PTPRZ1: variants seen among roughly 807,000 people sequenced by gnomAD.
The protein encoded by PTPRZ1 is receptor-type tyrosine-protein phosphatase zeta.
A neutral mutation model predicts 214.1 loss-of-function variants in PTPRZ1; 82 were observed. The ratio of observed to expected loss-of-function variants is 0.38; its 90% CI spans 0.32 to 0.46. The LOEUF (loss-of-function observed/expected upper bound fraction) is 0.46, where lower values mean the gene tolerates loss of function less well. PTPRZ1 is among the 20% of genes least tolerant of loss of function. The pLI is 1.00. For synonymous variants in PTPRZ1, 945 were observed against 987.9 expected (o/e 0.96, Z 0.81); for missense variants, 2,603 against 2,748.7 (o/e 0.95, Z 1.19).
chr7:121,952,193 C>T (rs746703504), intron 2 of PTPRZ1, among the ~76,000 whole-genome samples: 3 of 152,048 alleles, frequency 2.0e-5, no homozygotes, highest in African/African-American at 7.2e-5. Context: ...CTCCTGACCT[C>T]GTGATTGGCC....
intron 9 of PTPRZ1, among the ~76,000 whole-genome samples, chr7:121,997,057 CA>C (rs1415868612): frequency 6.6e-6 from 1 of 152,116 alleles, no homozygotes; most frequent in Non-Finnish European, 1.5e-5. Flanking sequence ...ACATTTCTTA[CA>C]AAAAGATCCA....
chr7:121,933,022 G>A (rs977035198), intron 2 of PTPRZ1, among the ~76,000 whole-genome samples: 1 of 151,956 alleles, frequency 6.6e-6, no homozygotes, highest in African/African-American at 2.4e-5. Flanking sequence ...GTAAATCTGG[G>A]AATGTCAGCA....
intron 8 of PTPRZ1, among the ~76,000 whole-genome samples, chr7:121,993,123 G>A (rs1442325177): frequency 1.3e-5 from 2 of 152,110 alleles, no homozygotes; most frequent in African/African-American, 4.8e-5. Flanking sequence ...CTCATGATCA[G>A]GAAAATTATA....
Position 122,010,975 on chromosome 7 carries a change from A to G in PTPRZ1, c.1929A>G (p.Leu643=). 1 of 1,614,086 alleles carries G rather than the reference A, an allele frequency of 6.2e-7. No individual in the cohort carries two copies. The part of the protein sequence containing the change: ...DSTSSGSEES[L]KDPSMEGNVW... ...CTTCATCAGGTTCAGAAGAATCACTAAAGGATCCTTCTATGGAGGGAAATG... is the reference window on the plus strand; with the variant it reads ...CTTCATCAGGTTCAGAAGAATCACTGAAGGATCCTTCTATGGAGGGAAATG... The change falls in exon 12 of 30, where the codon CTA becomes CTG. Residue 643 remains leucine (L), a synonymous_variant. Transcript: ENST00000393386.
rs1278645418 is a variant in PTPRZ1 at position 121,908,569 on chromosome 7, G to C, written c.59-19587G>C. Reference sequence around the variant, plus strand: ...CCAGTCTTACAGGTCCTCTCCTCTAGAATGGTATCTTTTACGTCTGTAATG... The same window carrying C: ...CCAGTCTTACAGGTCCTCTCCTCTACAATGGTATCTTTTACGTCTGTAATG... On this transcript the variant is annotated intron_variant, in intron 1 of 29. Coordinates refer to ENST00000393386, the MANE Select transcript of PTPRZ1 (RefSeq NM_002851.3). 1.1e-5 allele frequency: 4 copies of C among 348,834 alleles called. No individual in the cohort carries two copies. The East Asian group carries it at 3.2e-4, about 28-fold the overall frequency. 21.6% of individuals were successfully genotyped at this position (348,834 alleles called of 1,614,324 possible).
chr7:121,988,763 G>A (rs1443670942), intron 8 of PTPRZ1, among the ~76,000 whole-genome samples: 1 of 152,224 alleles, frequency 6.6e-6, no homozygotes, highest in Non-Finnish European at 1.5e-5. Flanking sequence ...AAGAGCATAT[G>A]TGTTATTGGC....
chr7:121,895,491 A>G (rs959331755), intron 1 of PTPRZ1, among the ~76,000 whole-genome samples: 1 of 152,232 alleles, frequency 6.6e-6, no homozygotes, highest in African/African-American at 2.4e-5. Context: ...TTATTAAGAG[A>G]GATGTAAAAT....
At chr7:121,879,433 A>G (rs1021551311) in intron 1 of PTPRZ1, among the ~76,000 whole-genome samples, 5 of 152,218 alleles carry the variant, frequency 3.3e-5, no homozygotes, top group African/African-American at 1.2e-4. Context: ...CAGTCAGCCA[A>G]AAGCTATCAT....
Position 122,051,925 on chromosome 7 carries a change from G to A in PTPRZ1, c.6238G>A (p.Ala2080Thr). ...TGGAGAAGGCACAGACTACATCAAT[G>A]CCTCCTATATCATGGTAAGTCAGAG... ...LSGEGTDYIN[A>T]SYIMGYYQSN... The change falls in exon 25 of 30, where the codon GCC becomes ACC. Residue 2080 changes from alanine to threonine, a missense_variant. Ala to Thr is a moderately conservative substitution (Grantham distance 58). This residue lies in a region of PTPRZ1 where 134 missense variants were observed against 183.3 expected (regional missense o/e 0.73). Transcript: ENST00000393386. 6.2e-7 allele frequency: 1 copy of A among 1,609,856 alleles called. No homozygotes were observed. The highest frequency in any genetic ancestry group is 8.5e-7 in the Non-Finnish European group (1 of 1,178,782).
At chr7:121,920,922 A>ATT (rs1224111246) in intron 1 of PTPRZ1, among the ~76,000 whole-genome samples, 13 of 152,104 alleles carry the variant, frequency 8.5e-5, no homozygotes, top group African/African-American at 3.1e-4. Context: ...TAGGTTACCA[A>ATT]ACAGTGTCAT....
At chr7:121,882,460 T>C (rs776953827) in intron 1 of PTPRZ1, among the ~76,000 whole-genome samples, 51 of 152,246 alleles carry the variant, frequency 3.3e-4, no homozygotes, top group Non-Finnish European at 5.4e-4. Context: ...GGGATTAAGG[T>C]TGGCATGCAG....
chr7:121,879,831 C>G (rs1438829883), intron 1 of PTPRZ1, among the ~76,000 whole-genome samples: 1 of 151,924 alleles, frequency 6.6e-6, no homozygotes, highest in African/African-American at 2.4e-5. Context: ...CTCCCTTCTT[C>G]CCTCCCTTCC....
In PTPRZ1 at chr7:121,968,790, A is replaced by C. The variant is rs1292375902; in HGVS notation, c.304+660A>C. Among the ~76,000 whole-genome samples the C allele has an allele frequency of 5.9e-5, 9 of 152,218 alleles. No homozygotes were observed. In the East Asian group the frequency reaches 1.7e-3, roughly 29 times the overall value. On this transcript the variant is annotated intron_variant, in intron 3 of 29. Transcript: ENST00000393386. ...AAATTGTATTTTGGGAAATTATGTAAAGGCAAATATACACGTAAGACAAAG... is the reference window on the plus strand; with the variant it reads ...AAATTGTATTTTGGGAAATTATGTACAGGCAAATATACACGTAAGACAAAG...
intron 8 of PTPRZ1, 59 bp from the exon 9 acceptor site, chr7:121,996,323 A>G (rs1008066606): frequency 8.1e-7 from 1 of 1,231,014 alleles, no homozygotes; most frequent in South Asian, 1.8e-5. Flanking sequence ...AATATGTTTT[A>G]TTTATTCAAG....
At chr7:121,960,225 C>T (rs1177466980) in intron 2 of PTPRZ1, among the ~76,000 whole-genome samples, 2 of 152,002 alleles carry the variant, frequency 1.3e-5, no homozygotes, top group African/African-American at 4.8e-5. Context: ...ATTTTTAGTA[C>T]AGATGGGGTT....
chr7:121,923,832 A>G (rs1364302292), intron 1 of PTPRZ1, among the ~76,000 whole-genome samples: 1 of 151,326 alleles, frequency 6.6e-6, no homozygotes, highest in Admixed American at 6.6e-5. Context: ...CATATACTAA[A>G]TAAATATATG....
At chr7:121,920,078 A>G (rs570063835) in intron 1 of PTPRZ1, among the ~76,000 whole-genome samples, 1 of 152,102 alleles carries the variant, frequency 6.6e-6, no homozygotes, top group Non-Finnish European at 1.5e-5. Flanking sequence ...AATAGTTCAT[A>G]TCTTTGTTCC....
chr7:121,998,413 G>A (rs975857926), intron 10 of PTPRZ1, among the ~76,000 whole-genome samples: 1 of 152,096 alleles, frequency 6.6e-6, no homozygotes, highest in Non-Finnish European at 1.5e-5. Flanking sequence ...CTAAGACCAT[G>A]TGAGGTACTT....
intron 12 of PTPRZ1, among the ~76,000 whole-genome samples, chr7:122,015,659 G>T (rs1345743789): frequency 3.9e-5 from 6 of 151,960 alleles, no homozygotes; most frequent in African/African-American, 1.4e-4. Context: ...GTCTTACCAG[G>T]TAGTGACATT....
Sources: gnomAD v4.1 joint callset for allele counts (sites outside exome capture counted in the v4.1 genomes callset) on GRCh38, gnomAD v4.1.1 for gene constraint, gnomAD v4.1.1 regional missense constraint, MANE v1.5 for transcripts, NCBI Gene and HGNC (gene_info 2026-07-23, HGNC 2026-07-21) for gene names.